DNAJC2: variants seen among roughly 807,000 people sequenced by gnomAD.
DNAJC2 encodes the protein DnaJ heat shock protein family (Hsp40) member C2, also known as dnaJ homolog subfamily C member 2.
DNAJC2 carries 32 observed loss-of-function variants against 94.0 expected under a neutral mutation model. That is an observed-to-expected ratio of 0.34 (90% confidence interval 0.26 to 0.46). The LOEUF is 0.46. Among genes scored for constraint, DNAJC2 ranks in the 20% least tolerant of loss-of-function variants. The probability of loss-of-function intolerance (pLI) is 1.00; values close to 1 mark genes in which losing one functional copy is unlikely to be tolerated. For missense variants in DNAJC2, 550 were observed against 719.5 expected (o/e 0.76, Z 2.69); for synonymous variants, 210 against 229.7 (o/e 0.91, Z 0.77).
chr7:103,315,842 T>C lies in DNAJC2; in HGVS notation c.1558A>G (p.Lys520Glu), dbSNP rs763401585. 2.1e-5 allele frequency: 34 copies of C among 1,613,532 alleles called. No individual in the cohort carries two copies. The highest frequency in any genetic ancestry group is 2.7e-5 in the Non-Finnish European group (32 of 1,179,714). ...DPHQKDDINK[K>E]AFDKFKKEHG... is the part of the protein sequence containing the mutation. ...TCTTTTTTGAACTTATCAAATGCCT[T>C]TTTATTTATGTCATCTTTTTGATGA... Residue 520 changes from lysine (K) to glutamate (E), a missense_variant, in exon 15 of 17, where the codon AAG becomes GAG. By Grantham distance (56) the Lys-to-Glu change is moderately conservative. Coordinates refer to ENST00000379263, the MANE Select transcript of DNAJC2 (RefSeq NM_014377.3).
At chr7:103,315,686 A>G in intron 15 of DNAJC2, 78 bp downstream of exon 15, 2 of 923,720 alleles carry the variant, frequency 2.2e-6, no homozygotes, top group Non-Finnish European at 3.4e-6. Context: ...CATTCTGAAC[A>G]TAGACCCTAA....
rs139859493 is a variant in DNAJC2 at position 103,317,528 on chromosome 7, C to G, written c.1243-514G>C. Among the ~76,000 whole-genome samples, 5 of 152,322 alleles carry G rather than the reference C, an allele frequency of 3.3e-5. No individual in the cohort carries two copies. In the East Asian group the frequency reaches 7.7e-4, roughly 23 times the overall value. On this transcript the variant is annotated intron_variant, in intron 12 of 16. Coordinates refer to ENST00000379263, the MANE Select transcript of DNAJC2 (RefSeq NM_014377.3). ...CCTTGTTGCTTCTGTCAGCTGCTAT[C>G]TTAAGAGTCAGCTTTGGCTCATTTC... is the stretch of plus-strand genomic sequence containing the variant.
At chr7:103,316,198 A>G (rs1818045522) in intron 13 of DNAJC2, 110 bp from the exon 14 acceptor site, 2 of 576,246 alleles carry the variant, frequency 3.5e-6, no homozygotes, top group South Asian at 8.0e-5. Context: ...GTACAGAATG[A>G]GCTCAGATTG....
chr7:103,335,426 T>A (rs181320036), intron 3 of DNAJC2: 4 of 152,278 alleles, frequency 2.6e-5, no homozygotes, highest in Non-Finnish European at 5.9e-5. Flanking sequence ...ACAAGGGTGG[T>A]AGAGAGTAAG....
intron 10 of DNAJC2, among the ~76,000 whole-genome samples, chr7:103,320,113 C>CG (rs1818300376): frequency 1.3e-5 from 2 of 152,196 alleles, no homozygotes; most frequent in East Asian, 3.9e-4. Context: ...TTCTTTGAGA[C>CG]GGAGTCTCAC....
At chr7:103,338,201 T>C (rs918214009) in intron 2 of DNAJC2, among the ~76,000 whole-genome samples, 1 of 150,116 alleles carries the variant, frequency 6.7e-6, no homozygotes, top group African/African-American at 2.5e-5. Context: ...GTCTAGTAAG[T>C]AGAGGCTGCA....
chr7:103,321,450 G>A (rs893846788), intron 10 of DNAJC2, among the ~76,000 whole-genome samples: 11 of 151,852 alleles, frequency 7.2e-5, no homozygotes, highest in Admixed American at 2.0e-4. Context: ...CCCAGGAGGC[G>A]GGGGTTGCAG....
Position 103,313,760 on chromosome 7 carries a change from C to CT in DNAJC2, c.1637-660dup, listed in dbSNP as rs997326082. On this transcript the variant is annotated intron_variant, in intron 15 of 16. Transcript: ENST00000379263. ...AAACCTTGTATATTTCAGAAAACAT[C>CT]TAAGATGTGTGTCAGAAACAAATAT... 3 of 984,936 alleles carry CT rather than the reference C, an allele frequency of 3.0e-6. No homozygotes were observed. In the African/African-American group the frequency reaches 5.2e-5, roughly 17 times the overall value. 61.0% of individuals were successfully genotyped at this position (984,936 alleles called of 1,614,324 possible).
intron 12 of DNAJC2, among the ~76,000 whole-genome samples, chr7:103,318,136 T>C (rs1303566506): frequency 6.6e-6 from 1 of 152,140 alleles, no homozygotes; most frequent in Non-Finnish European, 1.5e-5. Flanking sequence ...ACTGATTTTG[T>C]TTCCCACTCC....
chr7:103,343,713 T>TTA (rs1819480987), intron 1 of DNAJC2, among the ~76,000 whole-genome samples: 1 of 152,198 alleles, frequency 6.6e-6, no homozygotes, highest in Non-Finnish European at 1.5e-5. Context: ...ACAACTTATT[T>TTA]TAAGATTTCC....
chr7:103,324,632 AT>A, intron 5 of DNAJC2, 70 bp from the exon 6 acceptor site: 2 of 1,244,366 alleles, frequency 1.6e-6, no homozygotes, highest in East Asian at 5.9e-5. Context: ...AAACAATTTA[AT>A]TTATTAAAAA....
intron 1 of DNAJC2, chr7:103,344,278 G>A (rs1279506953): frequency 1.3e-5 from 7 of 521,998 alleles, no homozygotes; most frequent in African/African-American, 5.8e-5. Flanking sequence ...GGGGTGCTGG[G>A]GGGTTCCGTC....
intron 10 of DNAJC2, among the ~76,000 whole-genome samples, 167 bp downstream of exon 10, chr7:103,321,765 C>T (rs1199404476): frequency 6.6e-6 from 1 of 152,186 alleles, no homozygotes; most frequent in Non-Finnish European, 1.5e-5. Context: ...AGGAGAATCG[C>T]TCGAACCCGG....
chr7:103,322,053 C>T lies in DNAJC2; in HGVS notation c.962G>A (p.Arg321Gln), dbSNP rs781426067. ...KQRQAELEAA[R>Q]LAKEKEEEEV... ...CTCCTCTTCTTTCTCCTTAGCTAACCGAGCAGCTTCTAATTCAGCTTGTCT... is the reference window on the plus strand; with the variant it reads ...CTCCTCTTCTTTCTCCTTAGCTAACTGAGCAGCTTCTAATTCAGCTTGTCT... The change falls in exon 10 of 17, where the codon CGG becomes CAG. Residue 321 changes from arginine to glutamine, a missense_variant. Physicochemically the swap from Arg to Gln is conservative, Grantham distance 43 (BLOSUM62 1). This residue lies in a region of DNAJC2 where 279 missense variants were observed against 416.9 expected (regional missense o/e 0.67). Coordinates refer to ENST00000379263, the MANE Select transcript of DNAJC2 (RefSeq NM_014377.3). The T allele has an allele frequency of 9.9e-6, 16 of 1,612,134 alleles. No homozygotes were observed. Among genetic ancestry groups the T allele is most frequent in the Admixed American group, 3.3e-5 (2 of 59,908 alleles).
At position 103,316,840 on chromosome 7, in the gene DNAJC2, T is replaced by C; in HGVS notation, c.1417A>G (p.Thr473Ala). The C allele has an allele frequency of 6.2e-7, 1 of 1,613,510 alleles. No homozygotes were observed. Among genetic ancestry groups the C allele is most frequent in the Non-Finnish European group, 8.5e-7 (1 of 1,179,882 alleles). ...CATTAAAACCAGTACCTTGAATTTG[T>C]TCCAGCAGGGAACAGATTCACAGCT... ...IKAVNLFPAG[T>A]NSRWEVIANY... The change falls in exon 13 of 17, where the codon ACA becomes GCA. Residue 473 changes from threonine to alanine, a missense_variant. This residue lies in a region of DNAJC2 where 271 missense variants were observed against 302.6 expected (regional missense o/e 0.90). Coordinates refer to ENST00000379263, the MANE Select transcript of DNAJC2 (RefSeq NM_014377.3).
intron 12 of DNAJC2, chr7:103,317,371 A>G (rs1369753107): frequency 3.1e-5 from 6 of 196,572 alleles, no homozygotes; most frequent in East Asian, 1.3e-4. Flanking sequence ...TCTGCAGACA[A>G]TCTCATTTAT....
intron 1 of DNAJC2, among the ~76,000 whole-genome samples, chr7:103,343,086 G>A (rs141829388): frequency 1.3e-5 from 2 of 151,552 alleles, no homozygotes; most frequent in Admixed American, 6.6e-5. Flanking sequence ...TGCAACCTCC[G>A]CCTCCCGGGT....
In DNAJC2 at chr7:103,317,052, C is replaced by T. The variant is rs115112180; in HGVS notation, c.1243-38G>A. 7.1e-4 allele frequency: 1,098 copies of T among 1,548,816 alleles called. 6 individuals are homozygous for T. In the African/African-American group the frequency reaches 0.014, roughly 20 times the overall value. ...CATAAGTCAGGGACTTAGAAGTATA[C>T]TGTATTGCTATTCTACACTCTCTTC... On this transcript the variant is annotated intron_variant, in intron 12 of 16. Transcript: ENST00000379263.
intron 3 of DNAJC2, chr7:103,336,015 A>G (rs1424359443): frequency 6.6e-6 from 1 of 152,242 alleles, no homozygotes; most frequent in Non-Finnish European, 1.5e-5. Context: ...GAAAAATACA[A>G]AATTAGCCGG....
Sources: gnomAD v4.1 joint callset for allele counts (sites outside exome capture counted in the v4.1 genomes callset) on GRCh38, gnomAD v4.1.1 for gene constraint, gnomAD v4.1.1 regional missense constraint, MANE v1.5 for transcripts, NCBI Gene and HGNC (gene_info 2026-07-23, HGNC 2026-07-21) for gene names.